Variants in OSBPL10 observed in about 807,000 individuals in gnomAD.
OSBPL10 encodes the protein oxysterol-binding protein-related protein 10.
Under a neutral mutation model 81.7 loss-of-function variants are expected in OSBPL10, and 49 were observed. The observed-to-expected ratio is 0.60, with a 90% CI of 0.48 to 0.76. The LOEUF (loss-of-function observed/expected upper bound fraction) is 0.76, where lower values mean the gene tolerates loss of function less well. Ranked by LOEUF, OSBPL10 falls within the 30% of genes least tolerant of loss-of-function variation. The pLI is 0.00. For synonymous variants in OSBPL10, 419 were observed against 383.6 expected, an observed-to-expected ratio of 1.09 and a Z score of -1.08; for missense variants, 923 against 987.8, an observed-to-expected ratio of 0.93 and a Z score of 0.88.
intron 6 of OSBPL10, among the ~76,000 whole-genome samples, chr3:31,731,302 C>T (rs1696963942): frequency 6.6e-6 from 1 of 152,088 alleles, no homozygotes; most frequent in Admixed American, 6.5e-5. Flanking sequence ...CCATTCTACT[C>T]CATAAGACTT....
intron 9 of OSBPL10, 112 bp from the exon 10 acceptor site, chr3:31,668,936 G>T: frequency 2.1e-6 from 2 of 945,800 alleles, no homozygotes; most frequent in East Asian, 2.6e-5. Flanking sequence ...GGGAAGGAGG[G>T]ATTGTTTTTG....
At chr3:32,057,026 A>C (rs887519269) in intron 1 of OSBPL10, among the ~76,000 whole-genome samples, 3 of 152,212 alleles carry the variant, frequency 2.0e-5, no homozygotes, top group African/African-American at 7.2e-5. Flanking sequence ...GCATGCTAAA[A>C]GACACTCTCA....
At chr3:31,737,836 AC>A (rs1697230425) in intron 5 of OSBPL10, among the ~76,000 whole-genome samples, 1 of 152,216 alleles carries the variant, frequency 6.6e-6, no homozygotes, top group East Asian at 1.9e-4. Context: ...TACTAAAAAT[AC>A]AAAAAGTAGC....
At chr3:31,752,619 A>C (rs979722523) in intron 4 of OSBPL10, among the ~76,000 whole-genome samples, 1 of 152,228 alleles carries the variant, frequency 6.6e-6, no homozygotes, top group Non-Finnish European at 1.5e-5. Flanking sequence ...GAAGAAGAAA[A>C]AAACAAGTCA....
chr3:31,756,502 G>GGTATTATT (rs1697894039), intron 4 of OSBPL10, among the ~76,000 whole-genome samples: 2 of 152,188 alleles, frequency 1.3e-5, no homozygotes, highest in African/African-American at 4.8e-5. Context: ...GGAGATAAGT[G>GGTATTATT]CTGTTAACAT....
At chr3:31,740,662 G>A (rs1697313018) in intron 5 of OSBPL10, among the ~76,000 whole-genome samples, 1 of 152,012 alleles carries the variant, frequency 6.6e-6, no homozygotes, top group Admixed American at 6.6e-5. Context: ...CAGCTCTCAG[G>A]AGACTGAGGC....
intron 1 of OSBPL10, among the ~76,000 whole-genome samples, chr3:31,962,497 A>G (rs745820182): frequency 2.0e-5 from 3 of 151,848 alleles, no homozygotes; most frequent in Non-Finnish European, 2.9e-5. Context: ...ATGGTAAACT[A>G]TATGTTCTAC....
chr3:31,760,807 A>C (rs1698010825), intron 4 of OSBPL10, among the ~76,000 whole-genome samples: 2 of 152,210 alleles, frequency 1.3e-5, no homozygotes, highest in Admixed American at 1.3e-4. Context: ...TCATCACATA[A>C]ATATGCCACA....
At position 32,042,610 on chromosome 3, in the gene OSBPL10, G is replaced by A. The variant is rs113245006; in HGVS notation, n.298+3881C>T. ...TTTCTATTTTCCATAAGTGTTGGCC[G>A]GCCGAGAAATAAAGAGAAAGTGTAC... is the stretch of plus-strand genomic sequence containing the variant. On this transcript the variant is annotated intron_variant and non_coding_transcript_variant, in intron 2 of 3. Coordinates refer to the OSBPL10 transcript ENST00000479173. Among the ~76,000 whole-genome samples the A allele has an allele frequency of 2.3e-3, 354 of 152,100 alleles. 2 individuals are homozygous for A. The Middle Eastern group carries it at 0.034, about 15-fold the overall frequency.
At chr3:31,887,398 T>C (rs1266217277) in intron 1 of OSBPL10, among the ~76,000 whole-genome samples, 1 of 152,206 alleles carries the variant, frequency 6.6e-6, no homozygotes, top group Non-Finnish European at 1.5e-5. Context: ...TAATCATTTG[T>C]TGAACCCTTC....
At chr3:31,862,325 A>G (rs183459761) in intron 3 of OSBPL10, among the ~76,000 whole-genome samples, 36 of 152,330 alleles carry the variant, frequency 2.4e-4, no homozygotes, top group Non-Finnish European at 4.4e-4. Context: ...GTATAAGCTC[A>G]AATCAAACTT....
chr3:31,893,662 T>C (rs368957529), intron 1 of OSBPL10, among the ~76,000 whole-genome samples: 123 of 152,172 alleles, frequency 8.1e-4, no homozygotes, highest in African/African-American at 2.8e-3. Flanking sequence ...AAAGAAAATG[T>C]GGCATATCCA....
intron 4 of OSBPL10, among the ~76,000 whole-genome samples, chr3:31,786,314 TTTG>T (rs1400359670): frequency 6.6e-6 from 1 of 152,184 alleles, no homozygotes; most frequent in Admixed American, 6.5e-5. Context: ...ACTTCTCTTT[TTTG>T]TTGTTTTTGG....
At chr3:31,892,272 ATG>A (rs1219189805) in intron 1 of OSBPL10, among the ~76,000 whole-genome samples, 1 of 152,150 alleles carries the variant, frequency 6.6e-6, no homozygotes, top group Non-Finnish European at 1.5e-5. Flanking sequence ...GAAGGAAAGA[ATG>A]TGTGTTATCA....
intron 4 of OSBPL10, among the ~76,000 whole-genome samples, chr3:31,766,312 C>T (rs1698190496): frequency 6.7e-6 from 1 of 149,410 alleles, no homozygotes; most frequent in Non-Finnish European, 1.5e-5. Context: ...TGATGTTTGG[C>T]CCAATGTAGT....
chr3:31,824,212 A>G (rs1700047819), intron 4 of OSBPL10, among the ~76,000 whole-genome samples: 1 of 152,270 alleles, frequency 6.6e-6, no homozygotes, highest in East Asian at 1.9e-4. Context: ...TTGGGCCTGA[A>G]GAAACAGGAA....
chr3:31,687,786 G>A (rs997406622), intron 7 of OSBPL10, among the ~76,000 whole-genome samples: 9 of 152,082 alleles, frequency 5.9e-5, no homozygotes, highest in African/African-American at 1.9e-4. Context: ...TAAGAAGAGG[G>A]GGAAGAGCCA....
At chr3:31,841,848 A>C (rs959408613) in intron 3 of OSBPL10, among the ~76,000 whole-genome samples, 8 of 152,250 alleles carry the variant, frequency 5.3e-5, no homozygotes, top group Non-Finnish European at 4.4e-5. Context: ...AACCAATAAA[A>C]GTATGAAAAT....
At chr3:32,023,844 A>G (rs1261874942) in intron 2 of OSBPL10, among the ~76,000 whole-genome samples, 1 of 152,188 alleles carries the variant, frequency 6.6e-6, no homozygotes, top group Non-Finnish European at 1.5e-5. Flanking sequence ...CTATATATGT[A>G]AACTTTATGG....
Sources: allele counts gnomAD v4.1 joint callset (sites outside exome capture counted in the v4.1 genomes callset), GRCh38; gene constraint gnomAD v4.1.1; transcripts MANE v1.5; gene names NCBI Gene and HGNC (gene_info 2026-07-23, HGNC 2026-07-21).